Variants in CHMP7 observed in about 807,000 individuals in gnomAD.
CHMP7 encodes CHMP family, member 7.
CHMP7 carries 15 observed loss-of-function variants against 53.7 expected under a neutral mutation model. The observed-to-expected ratio is 0.28, with a 90% CI of 0.19 to 0.43. The LOEUF (loss-of-function observed/expected upper bound fraction) is 0.43, where lower values mean the gene tolerates loss of function less well. CHMP7 is among the 20% of genes least tolerant of loss of function. The probability of loss-of-function intolerance (pLI) is 1.00; values close to 1 mark genes in which losing one functional copy is unlikely to be tolerated. For missense variants in CHMP7, 527 were observed against 569.4 expected, an observed-to-expected ratio of 0.93 and a Z score of 0.76; for synonymous variants, 261 against 228.0, an observed-to-expected ratio of 1.14 and a Z score of -1.30.
chr8:23,260,037 C>A, intron 9 of CHMP7, 107 bp from the exon 10 acceptor site: 1 of 832,678 alleles, frequency 1.2e-6, no homozygotes, highest in Non-Finnish European at 1.9e-6. Context: ...GCAAGGAGGC[C>A]TGGCATCTTT....
intron 3 of CHMP7, among the ~76,000 whole-genome samples, chr8:23,253,464 T>G (rs1009628238): frequency 3.9e-5 from 6 of 152,138 alleles, no homozygotes; most frequent in Non-Finnish European, 7.3e-5. Flanking sequence ...TTGTATTTTT[T>G]TTAGTGGAGA....
chr8:23,252,199 T>TTTTTTTTTTTTTTTTC (rs1425030132), intron 3 of CHMP7, among the ~76,000 whole-genome samples: 1 of 142,584 alleles, frequency 7.0e-6, no homozygotes. Context: ...TGTTATCTTT[T>TTTTTTTTTTTTTTTTC]TTTTTTTTTT....
At position 23,260,735 on chromosome 8, in the gene CHMP7, C is replaced by T. The variant is rs1802353112; in HGVS notation, c.*136C>T. ...AACCACTGATTTTATCTGGATGCTA[C>T]TACTTACTACAGGACAGATAGAATT... is the stretch of plus-strand genomic sequence containing the variant. On this transcript the variant is annotated 3_prime_UTR_variant, in exon 11 of 11. Coordinates refer to ENST00000397677, the MANE Select transcript of CHMP7 (RefSeq NM_152272.5). 1 of 720,734 alleles carries T rather than the reference C, an allele frequency of 1.4e-6. No homozygotes were observed. The highest frequency in any genetic ancestry group is 1.8e-5 in the African/African-American group (1 of 56,534). 44.6% of individuals were successfully genotyped at this position (720,734 alleles called of 1,614,324 possible).
chr8:23,259,097 C>G lies in CHMP7; in HGVS notation c.1091C>G (p.Thr364Ser), dbSNP rs767289175. Residue 364 changes from threonine to serine, a missense_variant, in exon 9 of 11, where the codon ACT (threonine) becomes AGT (serine). By Grantham distance (58) the Thr-to-Ser change is moderately conservative. Transcript: ENST00000397677. ...GACACCCAGGATGAAGTTTCTCAGA[C>G]TCTGGCTGGTGGGGTAACAAATGGC... The part of the protein sequence containing the change: ...LCDTQDEVSQ[T>S]LAGGVTNGLD... 16 of 1,607,624 alleles carry G rather than the reference C, an allele frequency of 1.0e-5. No individual in the cohort carries two copies. The highest frequency in any genetic ancestry group is 1.4e-5 in the Non-Finnish European group (16 of 1,174,438).
At chr8:23,254,817 C>G (rs1802062079) in intron 3 of CHMP7, 2 of 241,238 alleles carry the variant, frequency 8.3e-6, no homozygotes, top group Non-Finnish European at 1.7e-5. Flanking sequence ...GTCATTTCAT[C>G]CACCCTCTTC....
chr8:23,260,562 C>T lies in CHMP7; in HGVS notation c.1325C>T (p.Pro442Leu). Residue 442 changes from proline (P) to leucine (L), a missense_variant, in exon 11 of 11, where the codon CCA becomes CTA. Transcript: ENST00000397677. ...GGTTTGGTCCCAAGCAGTAAATCTC[C>T]AAAAAGGCAATTGGAACCGACTCTA... ...EGGLVPSSKSPKRQLEPTLKP... is the reference protein window; with the variant it reads ...EGGLVPSSKSLKRQLEPTLKP... 6 of 1,561,372 alleles carry T rather than the reference C, an allele frequency of 3.8e-6. No individual in the cohort carries two copies. Among genetic ancestry groups the T allele is most frequent in the Middle Eastern group, 1.7e-4 (1 of 5,938 alleles).
At chr8:23,255,816 C>A (rs1418557304) in intron 4 of CHMP7, among the ~76,000 whole-genome samples, 1 of 148,706 alleles carries the variant, frequency 6.7e-6, no homozygotes. Flanking sequence ...TGTCGCCCAG[C>A]AATGGCGCAA....
At chr8:23,251,567 A>C (rs2128857900) in intron 3 of CHMP7, among the ~76,000 whole-genome samples, 1 of 152,352 alleles carries the variant, frequency 6.6e-6, no homozygotes, top group African/African-American at 2.4e-5. Context: ...GTAGACAGTC[A>C]ATAAATACCT....
At chr8:23,245,151 G>A (rs1173071015) in intron 1 of CHMP7, among the ~76,000 whole-genome samples, 2 of 152,150 alleles carry the variant, frequency 1.3e-5, no homozygotes, top group East Asian at 1.9e-4. Flanking sequence ...TGTTAGCTAG[G>A]ATTTCCCGTA....
chr8:23,254,384 T>G (rs914510571), intron 3 of CHMP7, among the ~76,000 whole-genome samples: 1 of 152,120 alleles, frequency 6.6e-6, no homozygotes, highest in Non-Finnish European at 1.5e-5. Context: ...GTACTTTTCT[T>G]TGTTTTTTGT....
At chr8:23,256,335 A>G (rs1219156238) in intron 4 of CHMP7, 125 bp from the exon 5 acceptor site, 1 of 709,824 alleles carries the variant, frequency 1.4e-6, no homozygotes, top group African/African-American at 1.7e-5. Flanking sequence ...GATTCCATTC[A>G]CTGGAACATA....
At chr8:23,250,567 C>G (rs919592149) in intron 3 of CHMP7, among the ~76,000 whole-genome samples, 4 of 151,340 alleles carry the variant, frequency 2.6e-5, no homozygotes, top group African/African-American at 9.7e-5. Context: ...CTGGTGCAGA[C>G]CTGCTTCAAC....
At chr8:23,260,053 A>T in intron 9 of CHMP7, 91 bp from the exon 10 acceptor site, 1 of 1,029,304 alleles carries the variant, frequency 9.7e-7, no homozygotes, top group Non-Finnish European at 1.4e-6. Flanking sequence ...TCTTTTGTAA[A>T]GCTAAGCGGG....
intron 3 of CHMP7, among the ~76,000 whole-genome samples, chr8:23,250,620 C>CTGTGTGTGTGTGTGTGTGTGTG (rs59970101): frequency 7.0e-6 from 1 of 143,298 alleles, no homozygotes; most frequent in Admixed American, 7.0e-5. Context: ...TGATAGGGGC[C>CTGTGTGTGTGTGTGTGTGTGTG]TGTGTGTGTG....
At chr8:23,257,005 G>C (rs1032897249) in intron 5 of CHMP7, among the ~76,000 whole-genome samples, 3 of 151,718 alleles carry the variant, frequency 2.0e-5, no homozygotes, top group African/African-American at 7.2e-5. Flanking sequence ...TGTTAGCCAG[G>C]ATGGTCTGAA....
chr8:23,258,622 C>A, intron 7 of CHMP7, 110 bp from the exon 8 acceptor site: 1 of 1,197,602 alleles, frequency 8.4e-7, no homozygotes, highest in Non-Finnish European at 1.2e-6. Flanking sequence ...GTAAATTGAG[C>A]TTGGGTGCCA....
chr8:23,258,693 T>C, intron 7 of CHMP7, 39 bp from the exon 8 acceptor site: 1 of 1,468,086 alleles, frequency 6.8e-7, no homozygotes, highest in Non-Finnish European at 9.5e-7. Flanking sequence ...TTTTGCCAAA[T>C]GTCTGTCATT....
intron 3 of CHMP7, chr8:23,255,032 A>C: frequency 1.7e-6 from 1 of 593,366 alleles, no homozygotes; most frequent in Non-Finnish European, 3.0e-6. Context: ...CCAGCATCTC[A>C]TGTGCCTCAT....
In CHMP7 at chr8:23,260,738, C is replaced by G. The variant is rs1025749036; in HGVS notation, c.*139C>G. ...CACTGATTTTATCTGGATGCTACTA[C>G]TTACTACAGGACAGATAGAATTTCT... is the stretch of plus-strand genomic sequence containing the variant. On this transcript the variant is annotated 3_prime_UTR_variant, in exon 11 of 11. Transcript: ENST00000397677. The G allele has an allele frequency of 5.6e-6, 4 of 714,916 alleles. No individual in the cohort carries two copies. Among genetic ancestry groups the G allele is most frequent in the Non-Finnish European group, 9.9e-6 (4 of 404,522 alleles). 44.3% of individuals were successfully genotyped at this position (714,916 alleles called of 1,614,324 possible). A position where few individuals can be genotyped will look rare whatever the true frequency, so the allele number is the denominator to read the frequency against.
Sources: gnomAD v4.1 joint callset for allele counts (sites outside exome capture counted in the v4.1 genomes callset) on GRCh38, gnomAD v4.1.1 for gene constraint, MANE v1.5 for transcripts, NCBI Gene and HGNC (gene_info 2026-07-23, HGNC 2026-07-21) for gene names.